Variants in KIF2A observed in about 807,000 individuals in gnomAD.
The protein encoded by KIF2A is kinesin-like protein KIF2A.
A neutral mutation model predicts 100.2 loss-of-function variants in KIF2A; 22 were observed. That is an observed-to-expected ratio of 0.22 (90% CI 0.16 to 0.31). The LOEUF is 0.31. Ranked by LOEUF, KIF2A falls within the 10% of genes least tolerant of loss-of-function variation. The probability of loss-of-function intolerance (pLI) is 1.00; values close to 1 mark genes in which losing one functional copy is unlikely to be tolerated. For missense variants in KIF2A, 495 were observed against 898.7 expected, an observed-to-expected ratio of 0.55 and a Z score of 5.74; for synonymous variants, 268 against 285.9, an observed-to-expected ratio of 0.94 and a Z score of 0.63.
intron 1 of KIF2A, chr5:62,307,335 C>G (rs1047615542): frequency 6.6e-6 from 1 of 151,732 alleles, no homozygotes; most frequent in African/African-American, 2.4e-5. Context: ...GGAGAGGTAA[C>G]TGAGAAAAGT....
In KIF2A at chr5:62,355,016, G is replaced by A. The variant is rs2289883; in HGVS notation, c.559-143G>A. On this transcript the variant is annotated intron_variant, in intron 6 of 20. Transcript: ENST00000407818. The stretch of plus-strand genomic sequence containing the variant: ...CAGAGCTTATTATGAAACCACAACT[G>A]TGAAACTATATAATATCGTCAGTTT... 0.44 allele frequency: 227,638 copies of A among 512,836 alleles called. 52,864 individuals are homozygous for A. The highest frequency in any genetic ancestry group is 0.62 in the East Asian group (19,086 of 30,850). 31.8% of individuals were successfully genotyped at this position (512,836 alleles called of 1,614,324 possible). A position where few individuals can be genotyped will look rare whatever the true frequency, so the allele number is the denominator to read the frequency against.
At chr5:62,362,775 T>C (rs1324388003) in intron 12 of KIF2A, among the ~76,000 whole-genome samples, 1 of 152,232 alleles carries the variant, frequency 6.6e-6, no homozygotes, top group Non-Finnish European at 1.5e-5. Context: ...TTATTCCAAT[T>C]ATTATTTTAA....
chr5:62,336,663 C>T (rs534483875), intron 1 of KIF2A, among the ~76,000 whole-genome samples: 1 of 152,246 alleles, frequency 6.6e-6, no homozygotes, highest in African/African-American at 2.4e-5. Context: ...AAATGTGTAG[C>T]TTTAGCGGCT....
intron 9 of KIF2A, among the ~76,000 whole-genome samples, 159 bp from the exon 10 acceptor site, chr5:62,361,078 TAAATC>T (rs2111952887): frequency 6.6e-6 from 1 of 152,324 alleles, no homozygotes; most frequent in East Asian, 1.9e-4. Context: ...TTAAAATTCT[TAAATC>T]AATTCTTCGA....
chr5:62,374,404 TG>T (rs1741450872), intron 18 of KIF2A, among the ~76,000 whole-genome samples: 1 of 152,226 alleles, frequency 6.6e-6, no homozygotes, highest in Admixed American at 6.5e-5. Context: ...ATGTATTATC[TG>T]GCCCTTTAAG....
intron 1 of KIF2A, among the ~76,000 whole-genome samples, chr5:62,318,971 T>C (rs1343099664): frequency 1.1e-4 from 17 of 152,224 alleles, no homozygotes; most frequent in Admixed American, 9.8e-4. Context: ...GTTGTCTTCC[T>C]TGACTCCTTA....
At chr5:62,366,851 T>C (rs1218256734) in intron 16 of KIF2A, among the ~76,000 whole-genome samples, 1 of 151,266 alleles carries the variant, frequency 6.6e-6, no homozygotes, top group Non-Finnish European at 1.5e-5. Flanking sequence ...AAAAAATTAA[T>C]ATTTGATAGG....
In KIF2A at chr5:62,359,054, G is replaced by A. The variant is rs147596110; in HGVS notation, c.872+755G>A. On this transcript the variant is annotated intron_variant, in intron 9 of 20. Transcript: ENST00000407818. ...TTGTCACTTAAGGCGAAAAAGTTCC[G>A]TACTTGTATTTAAATTTGTCATCTT... 1.1e-3 allele frequency among the ~76,000 whole-genome samples: 162 copies of A among 152,204 alleles called. 1 individual carries two copies. Among genetic ancestry groups the A allele is most frequent in the African/African-American group, 3.7e-3 (155 of 41,526 alleles).
chr5:62,321,672 C>G (rs1241394155), intron 1 of KIF2A, among the ~76,000 whole-genome samples: 1 of 152,192 alleles, frequency 6.6e-6, no homozygotes. Context: ...AACTGATCCT[C>G]CCCGCTCAGC....
At chr5:62,370,953 T>C (rs1308696035) in intron 16 of KIF2A, among the ~76,000 whole-genome samples, 1 of 151,848 alleles carries the variant, frequency 6.6e-6, no homozygotes, top group Non-Finnish European at 1.5e-5. Flanking sequence ...GGAGTGAAAA[T>C]AGTTGTTTGT....
chr5:62,308,294 A>G lies in KIF2A; in HGVS notation c.64+1758A>G, dbSNP rs910295342. 25 of 1,362,694 alleles carry G rather than the reference A, an allele frequency of 1.8e-5. No homozygotes were observed. In the African/African-American group the frequency reaches 3.7e-4, roughly 20 times the overall value. The allele number at this position is 1,362,694 out of a possible 1,614,324, so 84.4% of individuals were successfully genotyped here. ...TTACTTTCTTGAAAGAGTGCTGTTA[A>G]TGTCATTTTTTTAGGTAAATACGAG... On this transcript the variant is annotated intron_variant, in intron 1 of 20. Coordinates refer to ENST00000407818, the MANE Select transcript of KIF2A (RefSeq NM_001098511.3).
At chr5:62,332,279 A>G (rs1746693576) in intron 1 of KIF2A, among the ~76,000 whole-genome samples, 1 of 152,204 alleles carries the variant, frequency 6.6e-6, no homozygotes, top group Non-Finnish European at 1.5e-5. Context: ...TGAAATATGA[A>G]TTCCATGTAT....
rs115555872 is a variant in KIF2A at position 62,306,741 on chromosome 5, G to C, written c.64+205G>C. The stretch of plus-strand genomic sequence containing the variant: ...GGGCGCTGCTGCAGTTCTCCGGATC[G>C]GGCCGCGGGGGAGGGAAGCCGGGTG... On this transcript the variant is annotated intron_variant, in intron 1 of 20. Coordinates refer to ENST00000407818, the MANE Select transcript of KIF2A (RefSeq NM_001098511.3). 0.089 allele frequency among the ~76,000 whole-genome samples: 13,558 copies of C among 152,142 alleles called. 760 individuals carry two copies. Among genetic ancestry groups the C allele is most frequent in the African/African-American group, 0.16 (6,473 of 41,488 alleles).
At chr5:62,382,690 A>G (rs996075365) in intron 20 of KIF2A, among the ~76,000 whole-genome samples, 3 of 150,214 alleles carry the variant, frequency 2.0e-5, no homozygotes, top group Non-Finnish European at 4.4e-5. Flanking sequence ...CTGGGTTACA[A>G]TGGCACGATC....
At chr5:62,373,075 T>C (rs548980280) in intron 17 of KIF2A, among the ~76,000 whole-genome samples, 1 of 152,158 alleles carries the variant, frequency 6.6e-6, no homozygotes, top group South Asian at 2.1e-4. Flanking sequence ...AAAAAAATTT[T>C]TTTTAAAGTA....
intron 1 of KIF2A, among the ~76,000 whole-genome samples, chr5:62,313,262 C>T (rs1483887036): frequency 6.6e-6 from 1 of 152,092 alleles, no homozygotes; most frequent in Non-Finnish European, 1.5e-5. Flanking sequence ...AAGTTATGGA[C>T]CTTTTGGATG....
intron 20 of KIF2A, among the ~76,000 whole-genome samples, chr5:62,384,073 C>A (rs956792811): frequency 6.6e-6 from 1 of 152,062 alleles, no homozygotes; most frequent in Non-Finnish European, 1.5e-5. Context: ...CCTGTCTCTA[C>A]TAAAAATACA....
At chr5:62,379,759 T>C (rs563926747) in intron 19 of KIF2A, among the ~76,000 whole-genome samples, 3 of 152,372 alleles carry the variant, frequency 2.0e-5, no homozygotes, top group South Asian at 2.1e-4. Flanking sequence ...TGTCTGGTGC[T>C]ATATAGTCTA....
intron 1 of KIF2A, among the ~76,000 whole-genome samples, chr5:62,314,811 G>A (rs1427647455): frequency 5.1e-5 from 7 of 136,566 alleles, no homozygotes; most frequent in East Asian, 4.4e-4. Context: ...CACCCAGGCT[G>A]TAGTGCAGTG....
Sources: gnomAD v4.1 joint callset for allele counts (sites outside exome capture counted in the v4.1 genomes callset) on GRCh38, gnomAD v4.1.1 for gene constraint, MANE v1.5 for transcripts, NCBI Gene and HGNC (gene_info 2026-07-23, HGNC 2026-07-21) for gene names.